GJA3: variants seen among roughly 807,000 people sequenced by gnomAD.
GJA3 encodes the protein gap junction protein alpha 3.
For synonymous variants in GJA3, 297 were observed against 292.6 expected, an observed-to-expected ratio of 1.02 and a Z score of -0.15; for missense variants, 571 against 620.3, an observed-to-expected ratio of 0.92 and a Z score of 0.84.
chr13:20,148,615 G>A lies in GJA3; in HGVS notation c.-17-5310C>T, dbSNP rs184276819. 1.8e-3 allele frequency among the ~76,000 whole-genome samples: 268 copies of A among 152,302 alleles called. 1 individual carries two copies. Among genetic ancestry groups the A allele is most frequent in the South Asian group, 8.7e-3 (42 of 4,822 alleles). ...CACTAGATAGTGAAATCAGCAGAGAGTTGCACATGTGTCGCAGAAAGACTC... is the reference window on the plus strand; with the variant it reads ...CACTAGATAGTGAAATCAGCAGAGAATTGCACATGTGTCGCAGAAAGACTC... On this transcript the variant is annotated intron_variant, in intron 1 of 1. Coordinates refer to ENST00000241125, the MANE Select transcript of GJA3 (RefSeq NM_021954.4).
At chr13:20,156,587 T>C (rs1014432269) in intron 1 of GJA3, among the ~76,000 whole-genome samples, 3 of 152,212 alleles carry the variant, frequency 2.0e-5, no homozygotes, top group African/African-American at 7.2e-5. Flanking sequence ...GTTGGGATCA[T>C]AGGCATGAGC....
In GJA3 at chr13:20,140,533, T is replaced by C. The variant is rs1160123984; in HGVS notation, c.*1448A>G. 1 of 152,138 alleles carries C rather than the reference T, an allele frequency of 6.6e-6. No individual in the cohort carries two copies. Among genetic ancestry groups the C allele is most frequent in the Non-Finnish European group, 1.5e-5 (1 of 68,032 alleles). The allele number at this position is 152,138 out of a possible 1,614,324, so 9.4% of individuals were successfully genotyped here. A position where few individuals can be genotyped will look rare whatever the true frequency, so the allele number is the denominator to read the frequency against. The stretch of plus-strand genomic sequence containing the variant: ...CTCAGTAGAAGTTGGAGGTGAAAAG[T>C]GTGAGTAGAAACAGGCTCAACATGA... On this transcript the variant is annotated 3_prime_UTR_variant, in exon 2 of 2. Transcript: ENST00000241125.
At position 20,160,968 on chromosome 13, in the gene GJA3, C is replaced by G. The variant is rs1958933843; in HGVS notation, c.-96G>C. 6.6e-6 allele frequency: 1 copy of G among 152,200 alleles called. No individual in the cohort carries two copies. Among genetic ancestry groups the G allele is most frequent in the Non-Finnish European group, 1.5e-5 (1 of 68,076 alleles). 9.4% of individuals were successfully genotyped at this position (152,200 alleles called of 1,614,324 possible). Reference sequence around the variant, plus strand: ...GCCGCTCTGAAAAGAATTCCTTTCACACGTGCGGTGCTGCTTCACGCGTGC... The same window carrying G: ...GCCGCTCTGAAAAGAATTCCTTTCAGACGTGCGGTGCTGCTTCACGCGTGC... On this transcript the variant is annotated 5_prime_UTR_variant, in exon 1 of 2. Coordinates refer to ENST00000241125, the MANE Select transcript of GJA3 (RefSeq NM_021954.4).
In GJA3 at chr13:20,142,763, T is replaced by A; in HGVS notation, c.526A>T (p.Lys176Ter). The change falls in exon 2 of 2, where the codon AAG becomes TAG. Residue 176 changes from lysine to a stop codon, truncating the protein, a stop_gained. Coordinates refer to ENST00000241125, the MANE Select transcript of GJA3 (RefSeq NM_021954.4). LOFTEE classifies it low-confidence loss of function (END_TRUNC). ...GQYFLYGFEL[K>*]PLYRCDRWPC... The stretch of plus-strand genomic sequence containing the variant: ...CAGCGGTCGCAGCGGTAGAGCGGCT[T>A]CAGCTCGAAGCCGTACAGAAAGTAC... 1 of 1,613,570 alleles carries A rather than the reference T, an allele frequency of 6.2e-7. No homozygotes were observed. The highest frequency in any genetic ancestry group is 8.5e-7 in the Non-Finnish European group (1 of 1,179,928).
rs557603995 is a variant in GJA3, at chr13:20,146,296, A to G, written c.-17-2991T>C. On this transcript the variant is annotated intron_variant, in intron 1 of 1. Transcript: ENST00000241125. ...GTTTCCCTGTGGGGCCAGTGGAGGC[A>G]AAATGTTCTGCCGTGTTTGGGGTGA... is the stretch of plus-strand genomic sequence containing the variant. 1.0e-3 allele frequency among the ~76,000 whole-genome samples: 152 copies of G among 152,314 alleles called. 1 individual carries two copies. The highest frequency in any genetic ancestry group is 3.6e-3 in the African/African-American group (148 of 41,572).
intron 1 of GJA3, among the ~76,000 whole-genome samples, chr13:20,154,325 C>T (rs1323326923): frequency 6.6e-6 from 1 of 152,148 alleles, no homozygotes; most frequent in Non-Finnish European, 1.5e-5. Flanking sequence ...ATTTATCCCT[C>T]CATACTTCTT....
At chr13:20,150,279 CAGG>C (rs1958868846) in intron 1 of GJA3, among the ~76,000 whole-genome samples, 1 of 151,298 alleles carries the variant, frequency 6.6e-6, no homozygotes, top group Non-Finnish European at 1.5e-5. Flanking sequence ...CTGGAGGGGT[CAGG>C]AGGAGGGTCT....
In GJA3 at chr13:20,141,745, C is replaced by T. The variant is rs1424875654; in HGVS notation, c.*236G>A. 7 of 597,072 alleles carry T rather than the reference C, an allele frequency of 1.2e-5. No homozygotes were observed. Among genetic ancestry groups the T allele is most frequent in the African/African-American group, 1.9e-5 (1 of 52,028 alleles). 37.0% of individuals were successfully genotyped at this position (597,072 alleles called of 1,614,324 possible). A position where few individuals can be genotyped will look rare whatever the true frequency, so the allele number is the denominator to read the frequency against. On this transcript the variant is annotated 3_prime_UTR_variant, in exon 2 of 2. Coordinates refer to ENST00000241125, the MANE Select transcript of GJA3 (RefSeq NM_021954.4). Reference sequence around the variant, plus strand: ...ATCTTAAAGGCCCACAACCCTTGTCCCCGCCACCCCCAAACTCAGAAAGTG... The same window carrying T: ...ATCTTAAAGGCCCACAACCCTTGTCTCCGCCACCCCCAAACTCAGAAAGTG...
chr13:20,149,377 T>A (rs1347091823), intron 1 of GJA3, among the ~76,000 whole-genome samples: 10 of 151,900 alleles, frequency 6.6e-5, no homozygotes, highest in Admixed American at 6.6e-4. Context: ...ACCAGCTACG[T>A]GGGGGGCTGT....
At chr13:20,157,360 G>T (rs1218396223) in intron 1 of GJA3, among the ~76,000 whole-genome samples, 1 of 152,124 alleles carries the variant, frequency 6.6e-6, no homozygotes, top group African/African-American at 2.4e-5. Flanking sequence ...CAGTTAAAAG[G>T]CAATTTCCTC....
chr13:20,151,480 C>T (rs770729306), intron 1 of GJA3, among the ~76,000 whole-genome samples: 4 of 152,234 alleles, frequency 2.6e-5, no homozygotes, highest in East Asian at 3.9e-4. Flanking sequence ...CCCATGCTGG[C>T]GGGAAGTCAC....
At position 20,143,450 on chromosome 13, in the gene GJA3, G is replaced by T; in HGVS notation, c.-17-145C>A. The T allele has an allele frequency of 5.3e-6, 3 of 563,538 alleles. No homozygotes were observed. The South Asian group carries it at 8.6e-5, about 16-fold the overall frequency. The allele number at this position is 563,538 out of a possible 1,614,324, so 34.9% of individuals were successfully genotyped here. ...CAGGACAGGCATCGCAGCTCCCCAG[G>T]ACCTGGACGAGCAGGCACTACACAA... is the stretch of plus-strand genomic sequence containing the variant. On this transcript the variant is annotated intron_variant, in intron 1 of 1. Transcript: ENST00000241125.
Position 20,139,081 on chromosome 13 carries a change from T to A in GJA3, c.*2900A>T, listed in dbSNP as rs920484210. 6.6e-6 allele frequency: 1 copy of A among 152,160 alleles called. No homozygotes were observed. Among genetic ancestry groups the A allele is most frequent in the East Asian group, 1.9e-4 (1 of 5,202 alleles). 9.4% of individuals were successfully genotyped at this position (152,160 alleles called of 1,614,324 possible). Reference sequence around the variant, plus strand: ...TTTAAGGATTTATTCGTGTCAATTTTATTAAAAAATACAAGAATAACCATT... The same window carrying A: ...TTTAAGGATTTATTCGTGTCAATTTAATTAAAAAATACAAGAATAACCATT... On this transcript the variant is annotated 3_prime_UTR_variant, in exon 2 of 2. Coordinates refer to ENST00000241125, the MANE Select transcript of GJA3 (RefSeq NM_021954.4).
intron 1 of GJA3, among the ~76,000 whole-genome samples, chr13:20,159,759 C>T (rs1296884059): frequency 3.3e-5 from 5 of 152,140 alleles, no homozygotes; most frequent in Non-Finnish European, 7.3e-5. Context: ...CATGCATTGC[C>T]CTTATGAGAT....
chr13:20,154,832 A>G (rs1330959337), intron 1 of GJA3, among the ~76,000 whole-genome samples: 1 of 152,090 alleles, frequency 6.6e-6, no homozygotes, highest in Non-Finnish European at 1.5e-5. Context: ...AAAGAGGGTA[A>G]GTCCTCTTTG....
intron 1 of GJA3, 72 bp from the exon 2 acceptor site, chr13:20,143,377 G>A (rs1958824687): frequency 1.8e-6 from 2 of 1,085,472 alleles, no homozygotes; most frequent in African/African-American, 1.6e-5. Context: ...ATGGGCGGCG[G>A]CAGCGGCCTG....
intron 1 of GJA3, among the ~76,000 whole-genome samples, chr13:20,158,931 A>AAAAAAAAAG (rs1555340275): frequency 3.4e-5 from 5 of 148,930 alleles, no homozygotes; most frequent in African/African-American, 1.3e-4. Context: ...AAAAAAAAAA[A>AAAAAAAAAG]AAAAAGAAAA....
Position 20,141,975 on chromosome 13 carries a change from C to A in GJA3, c.*6G>T, listed in dbSNP as rs920227881. On this transcript the variant is annotated 3_prime_UTR_variant, in exon 2 of 2. Coordinates refer to ENST00000241125, the MANE Select transcript of GJA3 (RefSeq NM_021954.4). Reference sequence around the variant, plus strand: ...ACACAGCTGTCTGGAGGCAGGCACCCGGGCACTAGATGGCCAAGTCCTCCG... The same window carrying A: ...ACACAGCTGTCTGGAGGCAGGCACCAGGGCACTAGATGGCCAAGTCCTCCG... 5.8e-6 allele frequency: 9 copies of A among 1,550,082 alleles called. No homozygotes were observed. In the African/African-American group the frequency reaches 1.1e-4, roughly 19 times the overall value.
At chr13:20,146,202 C>A (rs186205094) in intron 1 of GJA3, among the ~76,000 whole-genome samples, 1 of 152,194 alleles carries the variant, frequency 6.6e-6, no homozygotes, top group African/African-American at 2.4e-5. Context: ...TCCCCACACA[C>A]GGCTGATGGC....
Sources: allele counts gnomAD v4.1 joint callset (sites outside exome capture counted in the v4.1 genomes callset), GRCh38; gene constraint gnomAD v4.1.1; transcripts MANE v1.5; gene names NCBI Gene and HGNC (gene_info 2026-07-23, HGNC 2026-07-21).